OSBPL9: variants seen among roughly 807,000 people sequenced by gnomAD.
The protein encoded by OSBPL9 is oxysterol binding protein like 9, also known as oxysterol-binding protein-related protein 9.
A neutral mutation model predicts 106.6 loss-of-function variants in OSBPL9; 40 were observed. The observed-to-expected ratio is 0.38, with a 90% CI of 0.29 to 0.49. OSBPL9 has a LOEUF of 0.49. Among genes scored for constraint, OSBPL9 ranks in the 20% least tolerant of loss-of-function variants. The pLI, the probability that OSBPL9 is intolerant of heterozygous loss-of-function variation, is 0.97. For missense variants in OSBPL9, 609 were observed against 887.2 expected (o/e 0.69, Z 3.98); for synonymous variants, 269 against 295.4 (o/e 0.91, Z 0.92).
the OSBPL9 span, among the ~76,000 whole-genome samples, chr1:51,536,422 C>T: frequency 6.6e-6 from 1 of 152,140 alleles, no homozygotes; most frequent in Non-Finnish European, 1.5e-5. Flanking sequence ...ATCCTCCCAC[C>T]CCTGCTTCCA....
chr1:51,519,443 C>G, the OSBPL9 span: 1 of 179,956 alleles, frequency 5.6e-6, no homozygotes, highest in Non-Finnish European at 1.2e-5. Context: ...CCGCCCAAAC[C>G]CTGGCGCCGG....
At chr1:51,590,392 G>A (rs1450551090) in intron 1 of OSBPL9, among the ~76,000 whole-genome samples, 2 of 151,706 alleles carry the variant, frequency 1.3e-5, no homozygotes, top group Admixed American at 6.6e-5. Flanking sequence ...AGGCCAAGGC[G>A]GGTGGATCAC....
intron 9 of OSBPL9, chr1:51,759,764 G>A (rs1022433991): frequency 1.3e-5 from 2 of 152,164 alleles, no homozygotes; most frequent in African/African-American, 4.8e-5. Flanking sequence ...CTTAGAATCA[G>A]AGAATCCTAG....
chr1:51,547,329 G>C, the OSBPL9 span, among the ~76,000 whole-genome samples: 1 of 152,174 alleles, frequency 6.6e-6, no homozygotes, highest in African/African-American at 2.4e-5. Flanking sequence ...CAATGGATTA[G>C]ATGCATACAC....
intron 3 of OSBPL9, among the ~76,000 whole-genome samples, chr1:51,691,383 G>A (rs1466035660): frequency 6.7e-6 from 1 of 149,100 alleles, no homozygotes. Flanking sequence ...GGGTTCAAGC[G>A]ATTCTCCTGC....
At chr1:51,756,891 C>G (rs1376108660) in intron 9 of OSBPL9, 1 of 152,160 alleles carries the variant, frequency 6.6e-6, no homozygotes, top group East Asian at 1.9e-4. Flanking sequence ...ACTCTTTCCT[C>G]TCTCTTATCT....
intron 3 of OSBPL9, among the ~76,000 whole-genome samples, chr1:51,703,274 G>C (rs967437259): frequency 6.6e-6 from 1 of 152,194 alleles, no homozygotes; most frequent in Non-Finnish European, 1.5e-5. Context: ...CTACCCATGA[G>C]CATGGAATGT....
chr1:51,611,401 T>C (rs1157384387), intron 2 of OSBPL9, among the ~76,000 whole-genome samples: 1 of 152,228 alleles, frequency 6.6e-6, no homozygotes, highest in African/African-American at 2.4e-5. Context: ...ACTGTAGGAA[T>C]GTTGTTTTAT....
Position 51,788,154 on chromosome 1 carries a change from A to G in OSBPL9, c.*365A>G, listed in dbSNP as rs889021571. 2.0e-5 allele frequency: 5 copies of G among 244,864 alleles called. No homozygotes were observed. Among genetic ancestry groups the G allele is most frequent in the African/African-American group, 7.0e-5 (3 of 42,958 alleles). 15.2% of individuals were successfully genotyped at this position (244,864 alleles called of 1,614,324 possible). On this transcript the variant is annotated 3_prime_UTR_variant, in exon 24 of 24. Transcript: ENST00000428468. The stretch of plus-strand genomic sequence containing the variant: ...GTTTCTTAGTTCATATAATCTCGGG[A>G]TACACACACACACACACATATATAT...
Position 51,786,581 on chromosome 1 carries a change from G to C in OSBPL9, c.1964G>C (p.Arg655Thr). The change falls in exon 22 of 24, where the codon AGG becomes ACG. Residue 655 changes from arginine to threonine, a missense_variant. This residue lies in a region of OSBPL9 where 132 missense variants were observed against 158.1 expected (regional missense o/e 0.83). Coordinates refer to ENST00000428468, the MANE Select transcript of OSBPL9 (RefSeq NM_024586.6). ...TTGCCTATAATCAAGAAGAAAGTGAGGAAGTTGGAAGATCAGAACGAGTAT... is the reference window on the plus strand; with the variant it reads ...TTGCCTATAATCAAGAAGAAAGTGACGAAGTTGGAAGATCAGAACGAGTAT... Reference protein sequence around the residue: ...KKLPIIKKKVRKLEDQNEYES... With the variant: ...KKLPIIKKKVTKLEDQNEYES... 1 of 1,612,882 alleles carries C rather than the reference G, an allele frequency of 6.2e-7. No individual in the cohort carries two copies. The highest frequency in any genetic ancestry group is 8.5e-7 in the Non-Finnish European group (1 of 1,179,022).
the OSBPL9 span, chr1:51,561,826 C>G: frequency 6.6e-6 from 1 of 152,182 alleles, no homozygotes; most frequent in East Asian, 1.9e-4. Context: ...CAGCCTGAGG[C>G]TCTTTCTACT....
chr1:51,783,465 C>T (rs936902785), intron 17 of OSBPL9, among the ~76,000 whole-genome samples: 2 of 151,690 alleles, frequency 1.3e-5, no homozygotes, highest in Non-Finnish European at 2.9e-5. Flanking sequence ...GGATTGCAGG[C>T]GTTAGCCACT....
At chr1:51,613,870 T>C (rs1644006419), upstream of OSBPL9, among the ~76,000 whole-genome samples, 1 of 152,046 alleles carries the variant, frequency 6.6e-6, no homozygotes, top group Admixed American at 6.6e-5. Flanking sequence ...GCCCCCTAAG[T>C]AGCTAGTACT....
intron 4 of OSBPL9, among the ~76,000 whole-genome samples, chr1:51,728,979 G>A (rs949553698): frequency 1.3e-5 from 2 of 152,168 alleles, no homozygotes; most frequent in African/African-American, 4.8e-5. Context: ...CAGCAAGAGC[G>A]GAAAAGGAGC....
At chr1:51,546,306 C>T in the OSBPL9 span, among the ~76,000 whole-genome samples, 1 of 152,152 alleles carries the variant, frequency 6.6e-6, no homozygotes, top group Non-Finnish European at 1.5e-5. Flanking sequence ...TGTGAGCCAC[C>T]ACACCAGGCT....
At chr1:51,684,912 T>C (rs1653419316) in intron 3 of OSBPL9, among the ~76,000 whole-genome samples, 1 of 140,508 alleles carries the variant, frequency 7.1e-6, no homozygotes. Context: ...CTGCTCTTCT[T>C]CTTTTTTTTT....
At chr1:51,537,518 A>C in the OSBPL9 span, among the ~76,000 whole-genome samples, 1 of 152,158 alleles carries the variant, frequency 6.6e-6, no homozygotes, top group Non-Finnish European at 1.5e-5. Context: ...AAACAGAGCC[A>C]AAGGGGAAAA....
At chr1:51,577,254 A>C (rs1645190690) in exon 1 of OSBPL9, 1 of 151,824 alleles carries the variant, frequency 6.6e-6, no homozygotes, top group Non-Finnish European at 1.5e-5. Flanking sequence ...ATCCTGCAGA[A>C]TCGTGAGCCA....
intron 4 of OSBPL9, among the ~76,000 whole-genome samples, chr1:51,715,617 C>G (rs909888078): frequency 2.0e-5 from 3 of 152,128 alleles, no homozygotes; most frequent in African/African-American, 7.2e-5. Flanking sequence ...TCATATTAGA[C>G]TGAATGTGGC....
Sources: allele counts gnomAD v4.1 joint callset (sites outside exome capture counted in the v4.1 genomes callset), GRCh38; gene constraint gnomAD v4.1.1; regional missense constraint gnomAD v4.1.1; transcripts MANE v1.5; gene names NCBI Gene and HGNC (gene_info 2026-07-23, HGNC 2026-07-21).